CADM3: variants seen among roughly 807,000 people sequenced by gnomAD.
CADM3 encodes the protein TSLC1-like 1.
CADM3 carries 11 observed loss-of-function variants against 44.9 expected under a neutral mutation model. That is an observed-to-expected ratio of 0.25 (90% CI 0.15 to 0.41). CADM3 has a LOEUF of 0.41. Ranked by LOEUF, CADM3 falls within the 10% of genes least tolerant of loss-of-function variation. The pLI, the probability that CADM3 is intolerant of heterozygous loss-of-function variation, is 1.00. For synonymous variants in CADM3, 207 were observed against 205.2 expected (o/e 1.01, Z -0.08); for missense variants, 426 against 512.0 (o/e 0.83, Z 1.62).
Position 159,186,488 on chromosome 1 carries a change from A to G in CADM3, c.89-5448A>G, listed in dbSNP as rs1382301841. On this transcript the variant is annotated intron_variant, in intron 1 of 8. Coordinates refer to ENST00000368125, the MANE Select transcript of CADM3 (RefSeq NM_001127173.3). ...CTCAAATTCCATACCACCCATTCAG[A>G]GTACTCCTAAGTTTTCCCTTCCAGT... Among the ~76,000 whole-genome samples the G allele has an allele frequency of 2.0e-5, 3 of 152,190 alleles. No homozygotes were observed. The East Asian group carries it at 5.8e-4, about 29-fold the overall frequency.
At chr1:159,175,085 G>A (rs1343508265) in intron 1 of CADM3, among the ~76,000 whole-genome samples, 2 of 152,190 alleles carry the variant, frequency 1.3e-5, no homozygotes, top group Non-Finnish European at 2.9e-5. Context: ...CATGCCCAAT[G>A]TGCCACAGAA....
Position 159,200,792 on chromosome 1 carries a change from G to T in CADM3, c.1079-12G>T, listed in dbSNP as rs1184921791. 6.3e-7 allele frequency: 1 copy of T among 1,580,116 alleles called. No individual in the cohort carries two copies. The highest frequency in any genetic ancestry group is 8.6e-7 in the Non-Finnish European group (1 of 1,163,214). On this transcript the variant is annotated splice_polypyrimidine_tract_variant and intron_variant, in intron 8 of 8. Transcript: ENST00000368125. ...GCTGCTCCTGAGAGGAGAAGCCTCT[G>T]TCTCTACACAGGAACCTACCTGACA...
Position 159,192,758 on chromosome 1 carries a change from A to G in CADM3, c.382+28A>G, listed in dbSNP as rs554543604. ...GAGACTCCCAAACCCCAGTGTCTCT[A>G]CAGCATGCTTCCTTGCAAACAAACC... On this transcript the variant is annotated intron_variant, in intron 3 of 8. Coordinates refer to ENST00000368125, the MANE Select transcript of CADM3 (RefSeq NM_001127173.3). 2.3e-4 allele frequency: 362 copies of G among 1,598,390 alleles called. 5 individuals are homozygous for G. The South Asian group carries it at 3.8e-3, about 17-fold the overall frequency.
In CADM3 at chr1:159,196,924, T is replaced by C. The variant is rs1266418723; in HGVS notation, c.816T>C (p.Ser272=). 6.2e-7 allele frequency: 1 copy of C among 1,614,110 alleles called. No individual in the cohort carries two copies. ...AGTACCTATGGGAGAAGGAGGGCAG[T>C]GTGCCACCCCTGAAGATGACCCAGG... ...PQQYLWEKEG[S]VPPLKMTQES... is the part of the protein sequence containing the mutation. The change falls in exon 7 of 9, where the codon AGT becomes AGC. Residue 272 remains serine, a synonymous_variant. Transcript: ENST00000368125.
At chr1:159,199,897 A>G (rs775245461) in intron 8 of CADM3, 21 bp downstream of exon 8, 8 of 1,612,322 alleles carry the variant, frequency 5.0e-6, no homozygotes, top group Non-Finnish European at 6.8e-6. Context: ...CAAAGAGAGC[A>G]TCAGCAGAAC....
chr1:159,192,448 T>A, intron 2 of CADM3, 130 bp from the exon 3 acceptor site: 1 of 1,011,334 alleles, frequency 9.9e-7, no homozygotes, highest in Non-Finnish European at 1.5e-6. Flanking sequence ...CTGCTTAAAC[T>A]CAGGAGCAGT....
chr1:159,189,043 A>C (rs1285699474), intron 1 of CADM3, among the ~76,000 whole-genome samples: 26 of 152,170 alleles, frequency 1.7e-4, no homozygotes, highest in Admixed American at 1.7e-3. Context: ...AAAAAAGATA[A>C]TTTGAGTAGC....
rs926440497 is a variant in CADM3, at chr1:159,192,509, C to G, written c.230-69C>G. 1.9e-6 allele frequency: 3 copies of G among 1,597,214 alleles called. No individual in the cohort carries two copies. The East Asian group carries it at 6.7e-5, about 36-fold the overall frequency. On this transcript the variant is annotated intron_variant, in intron 2 of 8. Transcript: ENST00000368125. ...GACCCCTTCCCCCAAAGAAGCTGGC[C>G]TGGGATTGGAAGGTAAACATGAAAG...
At chr1:159,188,388 C>A in intron 1 of CADM3, among the ~76,000 whole-genome samples, 1 of 151,814 alleles carries the variant, frequency 6.6e-6, no homozygotes, top group East Asian at 1.9e-4. Context: ...TAGTCCTGTC[C>A]TTTTCTTCCT....
intron 1 of CADM3, chr1:159,189,669 A>G: frequency 1.2e-6 from 1 of 841,894 alleles, no homozygotes; most frequent in Non-Finnish European, 1.9e-6. Flanking sequence ...CCTATTTTTC[A>G]CAGGGACCTA....
intron 3 of CADM3, among the ~76,000 whole-genome samples, 161 bp downstream of exon 3, chr1:159,192,891 G>T (rs1185161518): frequency 6.6e-6 from 1 of 152,136 alleles, no homozygotes; most frequent in Non-Finnish European, 1.5e-5. Context: ...AAAAAGAAAT[G>T]GGTTTTAATC....
Position 159,200,870 on chromosome 1 carries a change from ATGC to A in CADM3, c.1146_1148del (p.Asn382_Ala383delinsLys). The A allele has an allele frequency of 6.2e-7, 1 of 1,611,164 alleles. No individual in the cohort carries two copies. Among genetic ancestry groups the A allele is most frequent in the Admixed American group, 1.7e-5 (1 of 59,674 alleles). Reference sequence around the variant, plus strand: ...CCAGACGCGGACACGGCCATCATCAATGCAGAAGGCGGGCAGTCAGGAGGGGAC... The same window carrying A: ...CCAGACGCGGACACGGCCATCATCAAAGAAGGCGGGCAGTCAGGAGGGGAC... On this transcript the variant is annotated inframe_deletion, in exon 9 of 9. Coordinates refer to ENST00000368125, the MANE Select transcript of CADM3 (RefSeq NM_001127173.3).
At chr1:159,193,839 T>TTG in intron 4 of CADM3, 31 bp from the exon 5 acceptor site, 2 of 1,608,044 alleles carry the variant, frequency 1.2e-6, no homozygotes, top group Non-Finnish European at 1.7e-6. Context: ...CTCTGTGTGT[T>TTG]TGTGTGTGTG....
At chr1:159,178,741 A>G (rs1649120630) in intron 1 of CADM3, among the ~76,000 whole-genome samples, 1 of 152,192 alleles carries the variant, frequency 6.6e-6, no homozygotes, top group African/African-American at 2.4e-5. Context: ...TAAGCTGATG[A>G]TATCAAACGG....
chr1:159,185,769 C>T (rs1040509844), intron 1 of CADM3, among the ~76,000 whole-genome samples: 1 of 152,146 alleles, frequency 6.6e-6, no homozygotes, highest in Non-Finnish European at 1.5e-5. Context: ...TTGAACCTAA[C>T]TCTTACAGTA....
At position 159,201,847 on chromosome 1, in the gene CADM3, G is replaced by T. The variant is rs189097590; in HGVS notation, c.*925G>T. ...CCCCTCACTCTTACCCAAGACTCTG[G>T]ATTGTTGCACGGCAACCACTCCTCC... is the stretch of plus-strand genomic sequence containing the variant. On this transcript the variant is annotated 3_prime_UTR_variant, in exon 9 of 9. Transcript: ENST00000368125. 1 of 152,826 alleles carries T rather than the reference G, an allele frequency of 6.5e-6. No individual in the cohort carries two copies. The highest frequency in any genetic ancestry group is 1.5e-5 in the Non-Finnish European group (1 of 68,100). The allele number at this position is 152,826 out of a possible 1,614,324, so 9.5% of individuals were successfully genotyped here.
intron 1 of CADM3, among the ~76,000 whole-genome samples, chr1:159,176,552 G>A (rs1194213174): frequency 1.3e-5 from 2 of 152,166 alleles, no homozygotes; most frequent in Non-Finnish European, 2.9e-5. Flanking sequence ...AAGTTTCCAG[G>A]GCTAGAGACC....
intron 7 of CADM3, among the ~76,000 whole-genome samples, chr1:159,198,774 T>C (rs1376240224): frequency 1.3e-5 from 2 of 152,158 alleles, no homozygotes; most frequent in African/African-American, 2.4e-5. Flanking sequence ...TGGCTGCTGA[T>C]GTCTTTGCCA....
chr1:159,176,628 G>A (rs1649026644), intron 1 of CADM3, among the ~76,000 whole-genome samples: 1 of 152,166 alleles, frequency 6.6e-6, no homozygotes, highest in South Asian at 2.1e-4. Context: ...CTGGTGCCCA[G>A]GGCTCCAATA....
Sources: allele counts gnomAD v4.1 joint callset (sites outside exome capture counted in the v4.1 genomes callset), GRCh38; gene constraint gnomAD v4.1.1; transcripts MANE v1.5; gene names NCBI Gene and HGNC (gene_info 2026-07-23, HGNC 2026-07-21).